Variants in ART3 observed in about 807,000 individuals in gnomAD.
ART3 encodes the protein ADP-ribosyltransferase 3 (inactive).
Under a neutral mutation model 48.5 loss-of-function variants are expected in ART3, and 49 were observed. The observed-to-expected ratio is 1.01, with a 90% CI of 0.80 to 1.28. The LOEUF (loss-of-function observed/expected upper bound fraction) is 1.28, where lower values mean the gene tolerates loss of function less well. Among genes scored for constraint, ART3 ranks in the 50% most tolerant of loss-of-function variants. ART3 has a pLI of 0.00. For missense variants in ART3, 438 were observed against 454.3 expected, an observed-to-expected ratio of 0.96 and a Z score of 0.33; for synonymous variants, 145 against 157.2, an observed-to-expected ratio of 0.92 and a Z score of 0.58.
intron 1 of ART3, among the ~76,000 whole-genome samples, chr4:76,038,069 A>T (rs958797732): frequency 3.3e-5 from 3 of 91,570 alleles, no homozygotes; most frequent in Admixed American, 2.8e-4. Context: ...ATAATTCATA[A>T]GTTTTAAATT....
intron 1 of ART3, among the ~76,000 whole-genome samples, chr4:76,051,150 G>A (rs1736043587): frequency 6.6e-6 from 1 of 152,292 alleles, no homozygotes. Flanking sequence ...CGCCAAAGTG[G>A]GAGCCCAGGC....
upstream of ART3, among the ~76,000 whole-genome samples, chr4:76,072,680 C>T (rs1350658781): frequency 6.6e-6 from 1 of 151,448 alleles, no homozygotes; most frequent in Non-Finnish European, 1.5e-5. Context: ...TGCTCCTTTT[C>T]TCTTAGAGTG....
chr4:76,043,593 C>A (rs935426579), intron 1 of ART3, among the ~76,000 whole-genome samples: 3 of 152,134 alleles, frequency 2.0e-5, no homozygotes, highest in Non-Finnish European at 4.4e-5. Flanking sequence ...CGGGGCCCAC[C>A]AAGCCCACGC....
intron 8 of ART3, among the ~76,000 whole-genome samples, chr4:76,103,064 T>G (rs1247401893): frequency 6.6e-6 from 1 of 152,054 alleles, no homozygotes; most frequent in African/African-American, 2.4e-5. Flanking sequence ...AAGTATAAGG[T>G]CAAATTAATT....
At chr4:76,041,598 TTTAA>T (rs1258180389) in intron 1 of ART3, among the ~76,000 whole-genome samples, 17 of 129,990 alleles carry the variant, frequency 1.3e-4, no homozygotes, top group African/African-American at 4.6e-4. Flanking sequence ...ATATATTTTC[TTTAA>T]TTAAGCATGA....
chr4:76,057,528 A>AG (rs1718806602), intron 1 of ART3, among the ~76,000 whole-genome samples: 1 of 152,360 alleles, frequency 6.6e-6, no homozygotes, highest in East Asian at 1.9e-4. Flanking sequence ...AAGTTAAAAA[A>AG]TAATGCTATC....
At chr4:76,076,265 A>G (rs1239257708) in intron 2 of ART3, among the ~76,000 whole-genome samples, 4 of 152,044 alleles carry the variant, frequency 2.6e-5, no homozygotes, top group Non-Finnish European at 5.9e-5. Context: ...CGACCTCCCA[A>G]AGTGCTGGGA....
At position 76,100,271 on chromosome 4, in the gene ART3, A is replaced by T. The variant is rs149326181; in HGVS notation, c.848-20A>T. The T allele has an allele frequency of 4.4e-4, 702 of 1,610,008 alleles. 4 individuals carry two copies. The African/African-American group carries it at 8.6e-3, about 20-fold the overall frequency. On this transcript the variant is annotated intron_variant, in intron 5 of 11. Transcript: ENST00000355810. ...TTTGTTCCATTGTTAAAACTGATGAACTTCTTTTCTGTGACTCAGGTGAGA... is the reference window on the plus strand; with the variant it reads ...TTTGTTCCATTGTTAAAACTGATGATCTTCTTTTCTGTGACTCAGGTGAGA...
chr4:76,015,015 G>A (rs947109536), intron 1 of ART3, among the ~76,000 whole-genome samples: 2 of 152,086 alleles, frequency 1.3e-5, no homozygotes, highest in African/African-American at 2.4e-5. Flanking sequence ...GAAGCTAGGG[G>A]GAGTTTATTA....
rs538977548 is a variant in ART3, at chr4:76,064,862, C to A, written c.-9-11019C>A. 5.4e-5 allele frequency among the ~76,000 whole-genome samples: 8 copies of A among 147,116 alleles called. No homozygotes were observed. In the South Asian group the frequency reaches 1.7e-3, roughly 32 times the overall value. ...TTTTTTTTTTTTTGAGACAGGGTCT[C>A]ACTCTGTCACCCAGGCTGGAGTGCG... On this transcript the variant is annotated intron_variant, in intron 1 of 9. Transcript: ENST00000341029.
chr4:76,018,559 A>G lies in ART3; in HGVS notation c.-10+7239A>G, dbSNP rs573592134. 1.4e-3 allele frequency among the ~76,000 whole-genome samples: 216 copies of G among 152,340 alleles called. 1 individual carries two copies. Among genetic ancestry groups the G allele is most frequent in the Middle Eastern group, 3.4e-3 (1 of 294 alleles). On this transcript the variant is annotated intron_variant, in intron 1 of 9. Coordinates refer to the ART3 transcript ENST00000341029. ...CAACACACGATTTACCCATGTAACA[A>G]ACCTGCATGCGTACTCCCTAAACCT...
At chr4:76,072,400 A>G (rs1227034337), upstream of ART3, among the ~76,000 whole-genome samples, 2 of 152,200 alleles carry the variant, frequency 1.3e-5, no homozygotes, top group African/African-American at 2.4e-5. Flanking sequence ...CAAAGAAACA[A>G]CAAAGCAACA....
chr4:76,034,253 T>C (rs10017431), intron 1 of ART3: 233,743 of 393,672 alleles, frequency 0.59, 72,588 homozygotes, highest in East Asian at 0.93. Context: ...TTGAGGAATG[T>C]TTTACGACAC....
At position 76,100,819 on chromosome 4, in the gene ART3, A is replaced by G. The variant is rs1727131440; in HGVS notation, c.902A>G (p.Asp301Gly). 1.2e-6 allele frequency: 2 copies of G among 1,612,536 alleles called. No homozygotes were observed. Among genetic ancestry groups the G allele is most frequent in the Non-Finnish European group, 1.7e-6 (2 of 1,179,744 alleles). Residue 301 changes from aspartate (D) to glycine (G), a missense_variant, in exon 7 of 12, where the codon GAC becomes GGC. Physicochemically the swap from Asp to Gly is moderately conservative, Grantham distance 94. Transcript: ENST00000355810. ...DHSEKNWKLE[D>G]HGEKNQKLED... ...GGTGAGAAAAACTGGAAGCTTGAAGACCATGGTAAGACATTTTTTATAAAT... is the reference window on the plus strand; with the variant it reads ...GGTGAGAAAAACTGGAAGCTTGAAGGCCATGGTAAGACATTTTTTATAAAT...
chr4:76,036,450 T>C (rs574509909), intron 1 of ART3, among the ~76,000 whole-genome samples: 15 of 152,278 alleles, frequency 9.9e-5, no homozygotes, highest in Admixed American at 5.2e-4. Context: ...TGAAAAGCTT[T>C]TTTTTATTAT....
At chr4:76,021,707 C>T in intron 1 of ART3, 1 of 557,264 alleles carries the variant, frequency 1.8e-6, no homozygotes, top group Non-Finnish European at 3.2e-6. Flanking sequence ...ATTATAGTGC[C>T]AGGGTAGAGT....
chr4:76,086,063 C>T (rs531417898), intron 3 of ART3, among the ~76,000 whole-genome samples: 1 of 150,744 alleles, frequency 6.6e-6, no homozygotes, highest in South Asian at 2.1e-4. Context: ...CAAGAGTCCC[C>T]CCCCCCGCTC....
intron 2 of ART3, among the ~76,000 whole-genome samples, chr4:76,079,843 TTTG>T (rs1722030088): frequency 6.6e-6 from 1 of 151,820 alleles, no homozygotes; most frequent in Non-Finnish European, 1.5e-5. Flanking sequence ...GGAAGCAAGT[TTTG>T]TTTTGCGTTT....
intron 1 of ART3, among the ~76,000 whole-genome samples, chr4:76,041,875 AGTT>A (rs1181963986): frequency 6.6e-6 from 1 of 152,142 alleles, no homozygotes; most frequent in African/African-American, 2.4e-5. Context: ...AAATTTCCCT[AGTT>A]GTTTTCTTCT....
Sources: allele counts gnomAD v4.1 joint callset (sites outside exome capture counted in the v4.1 genomes callset), GRCh38; gene constraint gnomAD v4.1.1; transcripts MANE v1.5; gene names NCBI Gene and HGNC (gene_info 2026-07-23, HGNC 2026-07-21).